LARP4B: variants seen among roughly 807,000 people sequenced by gnomAD.
The protein encoded by LARP4B is La ribonucleoprotein 4B.
In LARP4B, 12 loss-of-function variants were observed where a neutral mutation model predicts 89.8. The observed-to-expected ratio is 0.13, with a 90% CI of 0.09 to 0.22. LARP4B has a LOEUF of 0.22. Among genes scored for constraint, LARP4B ranks in the 10% least tolerant of loss-of-function variants. The probability of loss-of-function intolerance (pLI) is 1.00; values close to 1 mark genes in which losing one functional copy is unlikely to be tolerated. For missense variants in LARP4B, 757 were observed against 947.7 expected (o/e 0.80, Z 2.64); for synonymous variants, 367 against 363.3 (o/e 1.01, Z -0.12).
the LARP4B span, among the ~76,000 whole-genome samples, chr10:962,418 G>A: frequency 0.013 from 2,023 of 152,192 alleles, 18 homozygotes; most frequent in Non-Finnish European, 0.017. Flanking sequence ...CACATGGGGG[G>A]TTAGGACTTC....
At chr10:930,601 T>G (rs1423416158) in intron 1 of LARP4B, among the ~76,000 whole-genome samples, 2 of 152,170 alleles carry the variant, frequency 1.3e-5, no homozygotes, top group Non-Finnish European at 2.9e-5. Flanking sequence ...CTCTTCACGT[T>G]CCCAAGCGCA....
chr10:868,193 C>A (rs1372255363), intron 3 of LARP4B, among the ~76,000 whole-genome samples: 1 of 151,832 alleles, frequency 6.6e-6, no homozygotes, highest in Non-Finnish European at 1.5e-5. Flanking sequence ...GGGGGACTGG[C>A]CGGTGAGGTA....
At chr10:833,327 G>A (rs984383458) in intron 8 of LARP4B, among the ~76,000 whole-genome samples, 3 of 141,122 alleles carry the variant, frequency 2.1e-5, no homozygotes, top group Non-Finnish European at 3.0e-5. Flanking sequence ...GTGTTGAGCT[G>A]CATACAAAGC....
chr10:847,575 G>A (rs1833837560), intron 5 of LARP4B, among the ~76,000 whole-genome samples: 1 of 151,584 alleles, frequency 6.6e-6, no homozygotes, highest in Non-Finnish European at 1.5e-5. Flanking sequence ...CTGGAGTGCA[G>A]TAGCGCGATC....
intron 5 of LARP4B, among the ~76,000 whole-genome samples, chr10:852,911 T>C (rs1834127501): frequency 1.3e-5 from 2 of 152,150 alleles, no homozygotes; most frequent in South Asian, 4.1e-4. Context: ...GGATAAAAGA[T>C]GTAAAAGACC....
rs767491020 is a variant in LARP4B at position 884,472 on chromosome 10, G to T, written c.116C>A (p.Thr39Lys). ...CTGACTCAAAGGTGGGATGGAACTT[G>T]TCTGAGAAGTGGTTTGAGATATAGG... ...NGPISQTTSQ[T>K]SSIPPLSQVP... Residue 39 changes from threonine (T) to lysine (K), a missense_variant, in exon 3 of 18, where the codon ACA (threonine) becomes AAA (lysine). Thr to Lys is a moderately conservative substitution (Grantham distance 78). Around this residue, in one of 5 missense-constraint regions of LARP4B, gnomAD observed 175 missense variants for 187.0 expected, o/e 0.94. Coordinates refer to ENST00000316157, the MANE Select transcript of LARP4B (RefSeq NM_015155.3). The T allele has an allele frequency of 6.2e-7, 1 of 1,607,710 alleles. No homozygotes were observed. The highest frequency in any genetic ancestry group is 1.1e-5 in the South Asian group (1 of 90,910).
At chr10:877,982 C>T (rs1449502584) in intron 3 of LARP4B, among the ~76,000 whole-genome samples, 1 of 152,106 alleles carries the variant, frequency 6.6e-6, no homozygotes, top group Non-Finnish European at 1.5e-5. Context: ...AGATGGGGCT[C>T]GCTGAGAAGG....
chr10:971,914 G>C, the LARP4B span: 2 of 155,242 alleles, frequency 1.3e-5, no homozygotes, highest in African/African-American at 4.8e-5. Flanking sequence ...GCCTTTCTGA[G>C]ATTAGGCCTG....
the LARP4B span, among the ~76,000 whole-genome samples, chr10:976,431 T>A: frequency 4.0e-4 from 59 of 148,672 alleles, no homozygotes; most frequent in South Asian, 1.7e-3. Flanking sequence ...AATGTAGGCC[T>A]GCCGCGTAAT....
chr10:827,694 A>G (rs1200517190), intron 11 of LARP4B, among the ~76,000 whole-genome samples: 2 of 152,200 alleles, frequency 1.3e-5, no homozygotes, highest in African/African-American at 4.8e-5. Context: ...GAGAGGGTCA[A>G]CCATGATTAA....
rs1307770003 is a variant in LARP4B at position 809,548 on chromosome 10, A to G, written c.*3378T>C. On this transcript the variant is annotated 3_prime_UTR_variant, in exon 18 of 18. Coordinates refer to ENST00000316157, the MANE Select transcript of LARP4B (RefSeq NM_015155.3). ...AAAAAAATCAAAAGAAAAATTGAAC[A>G]GTGCCTAAATCTTTATTTTCATAAC... 2 of 152,370 alleles carry G rather than the reference A, an allele frequency of 1.3e-5. No homozygotes were observed. The highest frequency in any genetic ancestry group is 2.9e-5 in the Non-Finnish European group (2 of 68,048). The allele number at this position is 152,370 out of a possible 1,614,324, so 9.4% of individuals were successfully genotyped here. A position where few individuals can be genotyped will look rare whatever the true frequency, so the allele number is the denominator to read the frequency against.
rs550196852 is a variant in LARP4B at position 815,196 on chromosome 10, C to T, written c.1696-126G>A. Reference sequence around the variant, plus strand: ...GCACAAGGACATAGGGGAAGAGGGTCTTCTCCAGCAAAAATGTCACAGAGC... The same window carrying T: ...GCACAAGGACATAGGGGAAGAGGGTTTTCTCCAGCAAAAATGTCACAGAGC... On this transcript the variant is annotated intron_variant, in intron 15 of 17. Transcript: ENST00000316157. 100 of 1,139,484 alleles carry T rather than the reference C, an allele frequency of 8.8e-5. 2 individuals carry two copies. In the South Asian group the frequency reaches 1.8e-3, roughly 21 times the overall value. 70.6% of individuals were successfully genotyped at this position (1,139,484 alleles called of 1,614,324 possible). A position where few individuals can be genotyped will look rare whatever the true frequency, so the allele number is the denominator to read the frequency against.
chr10:874,456 G>A (rs546616090), intron 3 of LARP4B, among the ~76,000 whole-genome samples: 3 of 152,276 alleles, frequency 2.0e-5, no homozygotes, highest in East Asian at 1.9e-4. Flanking sequence ...ATGCAGGAAC[G>A]CACAGCCTGC....
chr10:954,292 T>C, the LARP4B span, among the ~76,000 whole-genome samples: 31 of 152,182 alleles, frequency 2.0e-4, no homozygotes, highest in Admixed American at 1.6e-3. The surrounding 1 kb of genome is among the most constrained non-coding windows in gnomAD (Gnocchi z 5.0). Context: ...GCCCGTCTTT[T>C]ATGGTAGCCT....
At chr10:968,560 C>G in the LARP4B span, among the ~76,000 whole-genome samples, 4 of 143,328 alleles carry the variant, frequency 2.8e-5, no homozygotes, top group Non-Finnish European at 4.4e-5. Context: ...ATCTAAGGAA[C>G]AAAGACAGGT....
At chr10:927,931 C>G (rs1564449640) in intron 1 of LARP4B, among the ~76,000 whole-genome samples, 1 of 152,124 alleles carries the variant, frequency 6.6e-6, no homozygotes, top group African/African-American at 2.4e-5. Flanking sequence ...GTACCTTTGG[C>G]CAGGTACGCC....
At chr10:947,299 C>T in the LARP4B span, among the ~76,000 whole-genome samples, 6 of 152,108 alleles carry the variant, frequency 3.9e-5, no homozygotes, top group African/African-American at 1.2e-4. Context: ...TGTTCTGCTT[C>T]TTTCAGGCAT....
intron 3 of LARP4B, among the ~76,000 whole-genome samples, chr10:877,929 A>C (rs888653105): frequency 1.3e-5 from 2 of 152,222 alleles, no homozygotes; most frequent in African/African-American, 4.8e-5. Context: ...TGCTACACGT[A>C]AAGGGTCTGA....
At chr10:890,028 C>T (rs1399591349) in intron 1 of LARP4B, among the ~76,000 whole-genome samples, 3 of 152,210 alleles carry the variant, frequency 2.0e-5, no homozygotes, top group Non-Finnish European at 4.4e-5. Flanking sequence ...TTTCTTTTTA[C>T]TGCAAGCTAC....
Sources: gnomAD v4.1 joint callset for allele counts (sites outside exome capture counted in the v4.1 genomes callset) on GRCh38, gnomAD v4.1.1 for gene constraint, gnomAD v4.1.1 regional missense constraint, Gnocchi (gnomAD v3.1) non-coding constraint, MANE v1.5 for transcripts, NCBI Gene and HGNC (gene_info 2026-07-23, HGNC 2026-07-21) for gene names.